ANKMY1: variants seen among roughly 807,000 people sequenced by gnomAD.
ANKMY1 encodes the protein ankyrin repeat and MYND domain containing 1, also known as ankyrin repeat and MYND domain-containing protein 1.
ANKMY1 carries 98 observed loss-of-function variants against 102.0 expected under a neutral mutation model. The observed-to-expected ratio is 0.96, with a 90% CI of 0.82 to 1.14. The LOEUF (loss-of-function observed/expected upper bound fraction) is 1.14. ANKMY1 is among the 50% of genes most tolerant of loss of function. The probability of loss-of-function intolerance (pLI) is 0.00; values close to 1 mark genes in which losing one functional copy is unlikely to be tolerated. For synonymous variants in ANKMY1, 582 were observed against 559.9 expected, an observed-to-expected ratio of 1.04 and a Z score of -0.56; for missense variants, 1,330 against 1,347.6, an observed-to-expected ratio of 0.99 and a Z score of 0.20.
chr2:240,501,184 G>A (rs964698299), intron 13 of ANKMY1, among the ~76,000 whole-genome samples: 1 of 152,102 alleles, frequency 6.6e-6, no homozygotes, highest in African/African-American at 2.4e-5. Context: ...TTCATAGGTG[G>A]GTAGGTGTGC....
intron 4 of ANKMY1, among the ~76,000 whole-genome samples, chr2:240,551,660 C>T (rs1474270337): frequency 6.6e-6 from 1 of 152,150 alleles, no homozygotes; most frequent in African/African-American, 2.4e-5. Flanking sequence ...TTAGATTAAC[C>T]TTTGATTCCT....
intron 5 of ANKMY1, among the ~76,000 whole-genome samples, chr2:240,528,205 G>A (rs2084335617): frequency 6.6e-6 from 1 of 151,984 alleles, no homozygotes; most frequent in East Asian, 1.9e-4. Context: ...AGAACTGCTT[G>A]AACCCAGGAG....
chr2:240,489,456 CAA>C (rs34868627), intron 15 of ANKMY1, among the ~76,000 whole-genome samples: 66 of 137,450 alleles, frequency 4.8e-4, no homozygotes, highest in African/African-American at 1.1e-3. Flanking sequence ...GACTCTATCT[CAA>C]AAAAAAAAAA....
intron 4 of ANKMY1, among the ~76,000 whole-genome samples, chr2:240,546,085 A>G (rs1288151734): frequency 2.0e-5 from 3 of 152,134 alleles, no homozygotes; most frequent in Non-Finnish European, 2.9e-5. Context: ...GAAATGAAGG[A>G]AAAAATGTTA....
Position 240,555,031 on chromosome 2 carries a change from C to T in ANKMY1, c.171G>A (p.Lys57=), listed in dbSNP as rs2092135157. ...GCGGGCCCTCAGCTTCCTCCTCTTC[C>T]TTCTCAGGGGCTGCTGAAACATCCC... The part of the protein sequence containing the change: ...ATRDVSAAPE[K]EEEEAEGPLR... Residue 57 remains lysine, a synonymous_variant, in exon 3 of 18, where the codon AAG becomes AAA. Coordinates refer to ENST00000401804, the MANE Select transcript of ANKMY1 (RefSeq NM_001282771.3). 2.5e-6 allele frequency: 4 copies of T among 1,614,076 alleles called. No individual in the cohort carries two copies. Among genetic ancestry groups the T allele is most frequent in the Middle Eastern group, 1.7e-4 (1 of 6,060 alleles).
chr2:240,521,116 C>T (rs879060527), intron 8 of ANKMY1, among the ~76,000 whole-genome samples: 1 of 151,796 alleles, frequency 6.6e-6, no homozygotes, highest in Admixed American at 6.6e-5. Context: ...GTTGTGCAGC[C>T]GCGCAGGGCT....
rs1253741991 is a variant in ANKMY1, at chr2:240,506,781, G to GGGCAGCA, written c.2526+772_2526+778dup. 3.0e-4 allele frequency among the ~76,000 whole-genome samples: 45 copies of GGGCAGCA among 152,162 alleles called. No homozygotes were observed. Among genetic ancestry groups the GGGCAGCA allele is most frequent in the African/African-American group, 9.9e-4 (41 of 41,440 alleles). ...CACAGGAAGGGCTGGCATGGGCGGA[G>GGGCAGCA]GGCAGCAGGCAGCAGGGCACAGAGG... On this transcript the variant is annotated intron_variant, in intron 13 of 17. Transcript: ENST00000401804. The surrounding 1 kb of genome is among the most constrained non-coding windows in gnomAD (Gnocchi z 4.9).
intron 15 of ANKMY1, among the ~76,000 whole-genome samples, chr2:240,485,862 G>A (rs1310654882): frequency 6.6e-6 from 1 of 152,104 alleles, no homozygotes; most frequent in East Asian, 1.9e-4. Context: ...CAAAGTGCTG[G>A]GATTATAGAT....
At position 240,529,551 on chromosome 2, in the gene ANKMY1, C is replaced by T. The variant is rs1304750570; in HGVS notation, c.481-42G>A. The T allele has an allele frequency of 6.6e-7, 1 of 1,516,806 alleles. No homozygotes were observed. Among genetic ancestry groups the T allele is most frequent in the East Asian group, 2.3e-5 (1 of 43,090 alleles). 94.0% of individuals were successfully genotyped at this position (1,516,806 alleles called of 1,614,324 possible). On this transcript the variant is annotated intron_variant, in intron 4 of 17. Coordinates refer to ENST00000401804, the MANE Select transcript of ANKMY1 (RefSeq NM_001282771.3). This position sits in a 1 kb window ranked among gnomAD's most constrained non-coding sequence, Gnocchi z 4.2. ...ATAGACCGAGGAGAGATAACGCGAC[C>T]CAGCTGCACATGTGATCATGTTTGT...
intron 4 of ANKMY1, among the ~76,000 whole-genome samples, chr2:240,545,530 GAGA>G (rs1231799044): frequency 6.6e-6 from 1 of 152,260 alleles, no homozygotes; most frequent in Non-Finnish European, 1.5e-5. Flanking sequence ...GACGAGCTGA[GAGA>G]AGAAGGCTTC....
rs550511397 is a variant in ANKMY1, at chr2:240,497,187, C to T, written c.2806+2771G>A. Among the ~76,000 whole-genome samples, 69 of 151,174 alleles carry T rather than the reference C, an allele frequency of 4.6e-4. No homozygotes were observed. In the South Asian group the frequency reaches 6.3e-3, roughly 14 times the overall value. Reference sequence around the variant, plus strand: ...TGGAAGCTGAGCATAAGAATGGAGCCGCCACCTCCTCGCCATCTTGGAAGC... The same window carrying T: ...TGGAAGCTGAGCATAAGAATGGAGCTGCCACCTCCTCGCCATCTTGGAAGC... On this transcript the variant is annotated intron_variant, in intron 15 of 17. Coordinates refer to ENST00000401804, the MANE Select transcript of ANKMY1 (RefSeq NM_001282771.3).
At chr2:240,548,527 G>C (rs1360666087) in intron 4 of ANKMY1, among the ~76,000 whole-genome samples, 1 of 151,964 alleles carries the variant, frequency 6.6e-6, no homozygotes, top group Non-Finnish European at 1.5e-5. Flanking sequence ...AATTAGGCAG[G>C]AGAAGGAAAT....
intron 11 of ANKMY1, 21 bp downstream of exon 11, chr2:240,511,840 C>G (rs370517543): frequency 1.3e-5 from 21 of 1,567,998 alleles, no homozygotes; most frequent in Non-Finnish European, 1.7e-5. Flanking sequence ...TGTGCCCCCG[C>G]CAGGCCCTGG....
intron 9 of ANKMY1, among the ~76,000 whole-genome samples, chr2:240,514,756 T>TA (rs1181430024): frequency 1.3e-5 from 2 of 152,134 alleles, no homozygotes; most frequent in African/African-American, 4.8e-5. Context: ...GACTGGCAGT[T>TA]AGAGTGGGAC....
intron 4 of ANKMY1, among the ~76,000 whole-genome samples, chr2:240,548,723 GACAA>G (rs1263614643): frequency 7.3e-5 from 11 of 151,260 alleles, no homozygotes; most frequent in Non-Finnish European, 1.0e-4. Flanking sequence ...ACCAACAACA[GACAA>G]ACAGAGAGCC....
the ANKMY1 span, among the ~76,000 whole-genome samples, chr2:240,469,859 TACAC>T: frequency 4.6e-5 from 7 of 152,050 alleles, no homozygotes; most frequent in Admixed American, 2.0e-4. Flanking sequence ...GCCCTGTGCA[TACAC>T]ACACAAGCAC....
Position 240,529,714 on chromosome 2 carries a change from A to G in ANKMY1, c.481-205T>C, listed in dbSNP as rs2084863211. On this transcript the variant is annotated intron_variant, in intron 4 of 17. Transcript: ENST00000401804. This position sits in a 1 kb window ranked among gnomAD's most constrained non-coding sequence, Gnocchi z 4.2. ...TCTCCCGAGGAACAGGAAGGAGGGC[A>G]CTCCAGAGAGTGCATGGAGGGGCAA... 6.6e-6 allele frequency among the ~76,000 whole-genome samples: 1 copy of G among 152,096 alleles called. No individual in the cohort carries two copies. The highest frequency in any genetic ancestry group is 2.4e-5 in the African/African-American group (1 of 41,416).
chr2:240,523,883 A>G lies in ANKMY1; in HGVS notation c.1832+2T>C, dbSNP rs1313618220. 6.8e-6 allele frequency: 11 copies of G among 1,608,960 alleles called. No individual in the cohort carries two copies. Among genetic ancestry groups the G allele is most frequent in the Middle Eastern group, 1.7e-4 (1 of 6,060 alleles). On this transcript the variant is annotated splice_donor_variant, in intron 8 of 17. Transcript: ENST00000401804. LOFTEE classifies it high-confidence loss of function. ...CCCCCACCAGCTGGTGCCAGGACCT[A>G]CTCGATCATGGACAGCGCCATCCTC...
intron 4 of ANKMY1, among the ~76,000 whole-genome samples, chr2:240,531,480 C>A (rs748804998): frequency 1.3e-5 from 2 of 152,114 alleles, no homozygotes; most frequent in Non-Finnish European, 2.9e-5. Context: ...TGGAAGAAGT[C>A]AAATATGCAT....
Sources: allele counts gnomAD v4.1 joint callset (sites outside exome capture counted in the v4.1 genomes callset), GRCh38; gene constraint gnomAD v4.1.1; non-coding constraint Gnocchi (gnomAD v3.1); transcripts MANE v1.5; gene names NCBI Gene and HGNC (gene_info 2026-07-23, HGNC 2026-07-21).